The following WWTR1 variants were observed in gnomAD, a reference collection of about 807,000 sequenced individuals.
WWTR1 encodes WW domain-containing transcription regulator protein 1.
WWTR1 carries 13 observed loss-of-function variants against 40.1 expected under a neutral mutation model. The ratio of observed to expected loss-of-function variants is 0.32; its 90% CI spans 0.21 to 0.52. The LOEUF is 0.52. Ranked by LOEUF, WWTR1 falls within the 20% of genes least tolerant of loss-of-function variation. The pLI, the probability that WWTR1 is intolerant of heterozygous loss-of-function variation, is 0.97. For missense variants in WWTR1, 436 were observed against 523.1 expected (o/e 0.83, Z 1.63); for synonymous variants, 230 against 210.1 (o/e 1.09, Z -0.82).
At chr3:149,600,025 A>G (rs146860802) in intron 2 of WWTR1, among the ~76,000 whole-genome samples, 2 of 152,364 alleles carry the variant, frequency 1.3e-5, no homozygotes, top group Non-Finnish European at 2.9e-5. Context: ...TTTACATTGC[A>G]TTTACATTTT....
intron 3 of WWTR1, among the ~76,000 whole-genome samples, chr3:149,543,773 A>G (rs1736247947): frequency 6.6e-6 from 1 of 151,306 alleles, no homozygotes; most frequent in Non-Finnish European, 1.5e-5. Flanking sequence ...CATGCTTTTC[A>G]GTCTATTTCC....
At chr3:149,651,743 G>A (rs930822658) in intron 2 of WWTR1, among the ~76,000 whole-genome samples, 1 of 151,982 alleles carries the variant, frequency 6.6e-6, no homozygotes, top group Non-Finnish European at 1.5e-5. Flanking sequence ...CAGACCCACA[G>A]TGCAAGTCTA....
chr3:149,565,330 T>C (rs1199779095), intron 3 of WWTR1, among the ~76,000 whole-genome samples: 1 of 151,932 alleles, frequency 6.6e-6, no homozygotes, highest in Admixed American at 6.6e-5. Flanking sequence ...AGGAAAATTG[T>C]GGCATCAGAC....
intron 3 of WWTR1, among the ~76,000 whole-genome samples, chr3:149,564,534 C>T (rs995354362): frequency 2.6e-5 from 4 of 151,146 alleles, no homozygotes; most frequent in Non-Finnish European, 5.9e-5. Flanking sequence ...GTAATATAAC[C>T]GCATTACAGA....
chr3:149,645,103 G>A (rs1162672502), intron 2 of WWTR1, among the ~76,000 whole-genome samples: 16 of 148,336 alleles, frequency 1.1e-4, no homozygotes, highest in East Asian at 2.0e-4. Flanking sequence ...TTTTTGAGAC[G>A]GAGTCTCGAT....
At chr3:149,645,126 C>T (rs1362215285) in intron 2 of WWTR1, among the ~76,000 whole-genome samples, 2 of 107,914 alleles carry the variant, frequency 1.9e-5, no homozygotes, top group African/African-American at 3.5e-5. Flanking sequence ...GTCGCCCAGG[C>T]TGGAGTGCAG....
chr3:149,669,654 C>T (rs1481353891), intron 2 of WWTR1: 1 of 152,184 alleles, frequency 6.6e-6, no homozygotes, highest in Non-Finnish European at 1.5e-5. Flanking sequence ...GCAAAACCAT[C>T]CTGAAACCCC....
chr3:149,711,477 G>A (rs1309539975), intron 5 of WWTR1, among the ~76,000 whole-genome samples: 1 of 152,042 alleles, frequency 6.6e-6, no homozygotes, highest in East Asian at 1.9e-4. Flanking sequence ...GAGGTACTAG[G>A]GGTACTAGAG....
At chr3:149,683,668 T>G (rs1362544772) in intron 1 of WWTR1, among the ~76,000 whole-genome samples, 1 of 152,006 alleles carries the variant, frequency 6.6e-6, no homozygotes, top group Admixed American at 6.6e-5. Context: ...CACTTCAGCC[T>G]GGGCAATAGA....
intron 4 of WWTR1, among the ~76,000 whole-genome samples, chr3:149,533,144 C>T (rs1735670318): frequency 6.6e-6 from 1 of 152,176 alleles, no homozygotes; most frequent in South Asian, 2.1e-4. Flanking sequence ...CCACCCTGCC[C>T]TCCAAACAAA....
rs117279267 is a variant in WWTR1, at chr3:149,582,218, G to A, written c.432-9218C>T. ...ACCCGGCCCTGGCAAGCCTCACTTT[G>A]CCTCTGCAAACTGAGCAAAATTCTT... is the stretch of plus-strand genomic sequence containing the variant. On this transcript the variant is annotated intron_variant, in intron 2 of 6. Transcript: ENST00000360632. Among the ~76,000 whole-genome samples, 555 of 151,582 alleles carry A rather than the reference G, an allele frequency of 3.7e-3. 6 individuals carry two copies. Among genetic ancestry groups the A allele is most frequent in the Admixed American group, 0.028 (427 of 15,220 alleles).
chr3:149,658,883 G>C (rs1413740658), upstream of WWTR1, among the ~76,000 whole-genome samples: 1 of 152,196 alleles, frequency 6.6e-6, no homozygotes, highest in Non-Finnish European at 1.5e-5. Context: ...GAATGTCCCT[G>C]CCGCCCTCCG....
chr3:149,675,111 CCTT>C (rs879328779), intron 1 of WWTR1, among the ~76,000 whole-genome samples: 2 of 152,156 alleles, frequency 1.3e-5, no homozygotes, highest in Admixed American at 1.3e-4. Context: ...TTGATTTTCC[CCTT>C]TTTTCTTGTT....
chr3:149,562,330 T>A (rs1737121139), intron 3 of WWTR1, among the ~76,000 whole-genome samples: 1 of 151,562 alleles, frequency 6.6e-6, no homozygotes, highest in Non-Finnish European at 1.5e-5. Context: ...GGGAAGATGC[T>A]CATGGTATAT....
At chr3:149,531,650 A>G (rs1224713763) in intron 4 of WWTR1, among the ~76,000 whole-genome samples, 1 of 152,060 alleles carries the variant, frequency 6.6e-6, no homozygotes, top group Non-Finnish European at 1.5e-5. Context: ...TGCCTCCTAC[A>G]GACGCCATCT....
At chr3:149,693,747 G>A (rs1714894507) in intron 1 of WWTR1, among the ~76,000 whole-genome samples, 1 of 152,112 alleles carries the variant, frequency 6.6e-6, no homozygotes, top group African/African-American at 2.4e-5. Context: ...CTGGGGAAAG[G>A]ACAGTCTCTT....
intron 2 of WWTR1, among the ~76,000 whole-genome samples, chr3:149,598,617 A>G (rs1453661026): frequency 6.6e-6 from 1 of 152,056 alleles, no homozygotes; most frequent in African/African-American, 2.4e-5. Context: ...TGTTTTTTCC[A>G]TGGCTGTGAC....
chr3:149,581,787 A>G (rs1035391487), intron 2 of WWTR1, among the ~76,000 whole-genome samples: 1 of 152,152 alleles, frequency 6.6e-6, no homozygotes, highest in Non-Finnish European at 1.5e-5. Flanking sequence ...AGCCATGTGA[A>G]AGGTCTCCTA....
chr3:149,539,663 T>C (rs1232078679), intron 4 of WWTR1, among the ~76,000 whole-genome samples: 1 of 152,118 alleles, frequency 6.6e-6, no homozygotes, highest in African/African-American at 2.4e-5. Flanking sequence ...ACTTCCCCCA[T>C]CTCTCCAAAT....
Sources: allele counts gnomAD v4.1 joint callset (sites outside exome capture counted in the v4.1 genomes callset), GRCh38; gene constraint gnomAD v4.1.1; transcripts MANE v1.5; gene names NCBI Gene and HGNC (gene_info 2026-07-23, HGNC 2026-07-21).